The following STXBP3 variants were observed in gnomAD, a reference collection of about 807,000 sequenced individuals.
STXBP3 encodes the protein syntaxin-binding protein 3.
STXBP3 carries 41 observed loss-of-function variants against 85.7 expected under a neutral mutation model. That is an observed-to-expected ratio of 0.48 (90% CI 0.37 to 0.62). The LOEUF (loss-of-function observed/expected upper bound fraction) is 0.62. Ranked by LOEUF, STXBP3 falls within the 20% of genes least tolerant of loss-of-function variation. STXBP3 has a pLI of 0.00. For missense variants in STXBP3, 563 were observed against 703.1 expected, an observed-to-expected ratio of 0.80 and a Z score of 2.25; for synonymous variants, 229 against 231.7, an observed-to-expected ratio of 0.99 and a Z score of 0.10.
Position 108,753,061 on chromosome 1 carries a change from A to G in STXBP3, c.100-2A>G. 1 of 1,561,724 alleles carries G rather than the reference A, an allele frequency of 6.4e-7. No individual in the cohort carries two copies. Among genetic ancestry groups the G allele is most frequent in the Non-Finnish European group, 8.6e-7 (1 of 1,158,264 alleles). On this transcript the variant is annotated splice_acceptor_variant, in intron 2 of 18. Coordinates refer to ENST00000370008, the MANE Select transcript of STXBP3 (RefSeq NM_007269.4). LOFTEE classifies it high-confidence loss of function. ...TATTTTTAAATTTGTGTTTGTTTTA[A>G]GATAATGCTTTTAGATGAATTTACC... is the stretch of plus-strand genomic sequence containing the variant.
At chr1:108,753,240 ATT>A (rs1276207193) in intron 3 of STXBP3, 96 bp downstream of exon 3, 3 of 726,946 alleles carry the variant, frequency 4.1e-6, no homozygotes, top group Non-Finnish European at 6.3e-6. Flanking sequence ...TAAGGAGCTT[ATT>A]TTTTTAAATT....
intron 15 of STXBP3, 30 bp downstream of exon 15, chr1:108,796,756 T>C (rs1663112836): frequency 1.9e-6 from 3 of 1,565,904 alleles, no homozygotes; most frequent in Non-Finnish European, 1.7e-6. Context: ...GTATATACTT[T>C]ATATGTATGT....
At chr1:108,768,036 TTCTTCA>T (rs1662306388) in intron 6 of STXBP3, among the ~76,000 whole-genome samples, 1 of 152,214 alleles carries the variant, frequency 6.6e-6, no homozygotes, top group Admixed American at 6.5e-5. Flanking sequence ...TATATGGCTG[TTCTTCA>T]CAAAGAACTG....
At position 108,772,535 on chromosome 1, in the gene STXBP3, CTATA is replaced by C. The variant is rs928814095; in HGVS notation, c.439-127_439-124del. 161 of 242,972 alleles carry C rather than the reference CTATA, an allele frequency of 6.6e-4. 1 individual carries two copies. Among genetic ancestry groups the C allele is most frequent in the Non-Finnish European group, 7.7e-4 (112 of 146,252 alleles). 15.1% of individuals were successfully genotyped at this position (242,972 alleles called of 1,614,324 possible). ...ATATATAAATACATATGATATATAT[CTATA>C]TAATATATAAATACATATGATATAT... On this transcript the variant is annotated intron_variant, in intron 6 of 18. Transcript: ENST00000370008.
chr1:108,761,222 A>G (rs1208552731), intron 6 of STXBP3, among the ~76,000 whole-genome samples: 1 of 152,022 alleles, frequency 6.6e-6, no homozygotes, highest in Non-Finnish European at 1.5e-5. Flanking sequence ...GCTGTTTTTG[A>G]CAAAGAAAAA....
chr1:108,804,811 A>G (rs2101139365), intron 17 of STXBP3, among the ~76,000 whole-genome samples: 1 of 152,308 alleles, frequency 6.6e-6, no homozygotes, highest in South Asian at 2.1e-4. Flanking sequence ...TCCTGACCTT[A>G]TGCAGGGTGT....
chr1:108,776,387 A>T lies in STXBP3; in HGVS notation c.648A>T (p.Glu216Asp). 6.2e-7 allele frequency: 1 copy of T among 1,609,322 alleles called. No homozygotes were observed. The highest frequency in any genetic ancestry group is 1.7e-5 in the Admixed American group (1 of 59,698). The change falls in exon 8 of 19, where the codon GAA becomes GAT. Residue 216 changes from glutamate to aspartate, a missense_variant. By Grantham distance (45) the Glu-to-Asp change is conservative. Coordinates refer to ENST00000370008, the MANE Select transcript of STXBP3 (RefSeq NM_007269.4). Reference sequence around the variant, plus strand: ...CACAGCTTGTTGAAAAAAAGCTTGAAGACTACTACAAGATTGATGAAAAGA... The same window carrying T: ...CACAGCTTGTTGAAAAAAAGCTTGATGACTACTACAAGATTGATGAAAAGA... ...KLAQLVEKKL[E>D]DYYKIDEKSL...
intron 16 of STXBP3, among the ~76,000 whole-genome samples, chr1:108,799,441 G>T (rs1663185546): frequency 6.6e-6 from 1 of 152,122 alleles, no homozygotes; most frequent in South Asian, 2.1e-4. Flanking sequence ...AGATTTGCAT[G>T]TTAAATTCAG....
At chr1:108,784,913 C>T (rs1017357274) in intron 11 of STXBP3, among the ~76,000 whole-genome samples, 1 of 152,224 alleles carries the variant, frequency 6.6e-6, no homozygotes, top group African/African-American at 2.4e-5. Context: ...AAAGGATCTC[C>T]TTTGACTCCG....
chr1:108,774,211 A>G (rs1414006814), intron 7 of STXBP3, among the ~76,000 whole-genome samples: 1 of 152,170 alleles, frequency 6.6e-6, no homozygotes, highest in Non-Finnish European at 1.5e-5. Context: ...TTGGTCTGCT[A>G]GTTCATGTGT....
At chr1:108,793,160 T>TTTTTTTCTTTTC (rs1663013017) in intron 11 of STXBP3, among the ~76,000 whole-genome samples, 2 of 139,762 alleles carry the variant, frequency 1.4e-5, no homozygotes, top group Non-Finnish European at 3.1e-5. Flanking sequence ...TATCTCCATT[T>TTTTTTTCTTTTC]TTTTTTTTTT....
intron 7 of STXBP3, among the ~76,000 whole-genome samples, chr1:108,773,369 T>A (rs1347780896): frequency 6.6e-6 from 1 of 152,198 alleles, no homozygotes; most frequent in African/African-American, 2.4e-5. Flanking sequence ...TAGGTTCTTG[T>A]TAACTGACAA....
At chr1:108,761,816 C>G (rs1028534287) in intron 6 of STXBP3, among the ~76,000 whole-genome samples, 9 of 151,834 alleles carry the variant, frequency 5.9e-5, no homozygotes, top group Admixed American at 1.3e-4. Context: ...ACTAAAAATA[C>G]AAAAAAATTA....
At chr1:108,807,178 GACCCAGGAGGC>G (rs1407912888) in intron 17 of STXBP3, among the ~76,000 whole-genome samples, 2 of 149,476 alleles carry the variant, frequency 1.3e-5, no homozygotes, top group African/African-American at 2.5e-5. Context: ...CTTGAACTGT[GACCCAGGAGGC>G]GGAGGTTGCA....
Position 108,746,759 on chromosome 1 carries a change from A to AG in STXBP3, c.27dup (p.Leu10AlafsTer15), listed in dbSNP as rs1323846176. 6.5e-7 allele frequency: 1 copy of AG among 1,549,888 alleles called. No individual in the cohort carries two copies. The highest frequency in any genetic ancestry group is 8.7e-7 in the Non-Finnish European group (1 of 1,146,266). On this transcript the variant is annotated frameshift_variant, in exon 1 of 19. Transcript: ENST00000370008. LOFTEE classifies it high-confidence loss of function. ...GAAGATGGCGCCGCCGGTGGCAGAG[A>AG]GGGGGCTAAAGAGCGTCGTGTGGCA...
intron 15 of STXBP3, 66 bp downstream of exon 15, chr1:108,796,792 GTT>G (rs35138668): frequency 2.7e-3 from 2,417 of 893,058 alleles, no homozygotes; most frequent in East Asian, 0.015. Flanking sequence ...TGTATTAACT[GTT>G]TTTTTTTTTT....
intron 17 of STXBP3, among the ~76,000 whole-genome samples, chr1:108,803,361 G>GT (rs932884306): frequency 6.6e-6 from 1 of 152,246 alleles, no homozygotes; most frequent in African/African-American, 2.4e-5. Flanking sequence ...AGCATTATTG[G>GT]TTTTTTAAAA....
intron 11 of STXBP3, among the ~76,000 whole-genome samples, chr1:108,786,065 T>G (rs754164031): frequency 1.8e-4 from 28 of 152,224 alleles, no homozygotes; most frequent in Non-Finnish European, 3.4e-4. Flanking sequence ...GTCTTCACAG[T>G]AGCACCCCAC....
At chr1:108,782,988 C>T (rs111355708) in intron 11 of STXBP3, among the ~76,000 whole-genome samples, 128 of 152,296 alleles carry the variant, frequency 8.4e-4, no homozygotes, top group African/African-American at 2.7e-3. Context: ...CTGCAGTCTC[C>T]GCCTCCCAGG....
Sources: gnomAD v4.1 joint callset for allele counts (sites outside exome capture counted in the v4.1 genomes callset) on GRCh38, gnomAD v4.1.1 for gene constraint, MANE v1.5 for transcripts, NCBI Gene and HGNC (gene_info 2026-07-23, HGNC 2026-07-21) for gene names.